NR2E3: variants seen among roughly 807,000 people sequenced by gnomAD.
The protein encoded by NR2E3 is photoreceptor-specific nuclear receptor.
Under a neutral mutation model 37.6 loss-of-function variants are expected in NR2E3, and 38 were observed. That is an observed-to-expected ratio of 1.01 (90% CI 0.78 to 1.33). NR2E3 has a LOEUF of 1.33. Among genes scored for constraint, NR2E3 ranks in the 40% most tolerant of loss-of-function variants. The pLI is 0.00. For missense variants in NR2E3, 562 were observed against 558.7 expected, an observed-to-expected ratio of 1.01 and a Z score of -0.06; for synonymous variants, 235 against 225.1, an observed-to-expected ratio of 1.04 and a Z score of -0.39.
intron 4 of NR2E3, 57 bp from the exon 5 acceptor site, chr15:71,812,255 CCTCCCTCCCCCGGGGCTCCAAGTA>C: frequency 6.2e-7 from 1 of 1,608,812 alleles, no homozygotes; most frequent in Non-Finnish European, 8.5e-7. Context: ...TTGCCTTGAT[CCTCCCTCCCCCGGGGCTCCAAGTA>C]CTCCCTGCCA....
At chr15:71,814,535 T>C (rs1320391546) in intron 7 of NR2E3, 4 of 992,014 alleles carry the variant, frequency 4.0e-6, no homozygotes, top group African/African-American at 1.7e-5. Flanking sequence ...AAGCATGATA[T>C]GTTGTTAGAA....
At chr15:71,814,779 G>C (rs1462476619) in intron 7 of NR2E3, 1 of 985,350 alleles carries the variant, frequency 1.0e-6, no homozygotes, top group African/African-American at 1.7e-5. Flanking sequence ...ACTGGGAAGG[G>C]GATGGCAGCT....
chr15:71,812,166 GC>G lies in NR2E3; in HGVS notation c.563del (p.Pro188GlnfsTer63). 6.3e-7 allele frequency: 1 copy of G among 1,579,838 alleles called. No individual in the cohort carries two copies. Among genetic ancestry groups the G allele is most frequent in the South Asian group, 1.2e-5 (1 of 86,854 alleles). ...CAGCTGAAACCTGTGCTAAGCTGGA[GC>G]CAGAGGATGGTGAGTGGGAGAGCAG... ...ITAETCAKLE[P>X]EDADENIDVT... On this transcript the variant is annotated frameshift_variant, in exon 4 of 8. Coordinates refer to ENST00000617575, the MANE Select transcript of NR2E3 (RefSeq NM_014249.4). LOFTEE classifies it high-confidence loss of function.
rs761943400 is a variant in NR2E3 at position 71,813,153 on chromosome 15, G to A, written c.748-236G>A. ...TGCCCAACTTCCAATGGCTCTGGGC[G>A]TTCCTAAATGTCCCAGCTGCAGCTC... On this transcript the variant is annotated intron_variant, in intron 5 of 7. Coordinates refer to ENST00000617575, the MANE Select transcript of NR2E3 (RefSeq NM_014249.4). The surrounding 1 kb of genome is among the most constrained non-coding windows in gnomAD (Gnocchi z 4.7). Among the ~76,000 whole-genome samples the A allele has an allele frequency of 2.0e-5, 3 of 152,314 alleles. No individual in the cohort carries two copies. The highest frequency in any genetic ancestry group is 2.9e-5 in the Non-Finnish European group (2 of 68,026).
intron 5 of NR2E3, among the ~76,000 whole-genome samples, chr15:71,812,803 A>G (rs1416730214): frequency 2.0e-4 from 31 of 152,148 alleles, no homozygotes; most frequent in Admixed American, 1.9e-3. Context: ...AAGTTCTGGA[A>G]GACCCTCAGG....
rs1371573765 is a variant in NR2E3 at position 71,814,275 on chromosome 15, C to A, written c.1100+158C>A. On this transcript the variant is annotated intron_variant, in intron 7 of 7. Transcript: ENST00000617575. The stretch of plus-strand genomic sequence containing the variant: ...ATGGTGTCCCAGGCACAGTGCCAGG[C>A]CCCGGGAGTGGGGACCAAGATGTAC... 5 of 1,418,066 alleles carry A rather than the reference C, an allele frequency of 3.5e-6. No homozygotes were observed. In the East Asian group the frequency reaches 1.3e-4, roughly 36 times the overall value. 87.8% of individuals were successfully genotyped at this position (1,418,066 alleles called of 1,614,324 possible). A position where few individuals can be genotyped will look rare whatever the true frequency, so the allele number is the denominator to read the frequency against.
rs1047400356 is a variant in NR2E3, at chr15:71,814,360, C to T, written c.1100+243C>T. On this transcript the variant is annotated intron_variant, in intron 7 of 7. Transcript: ENST00000617575. ...GCAGTGACCTCACTGAAGACAAAAACTGCCCTAGCCAGGTACTGAGGGTTG... is the reference window on the plus strand; with the variant it reads ...GCAGTGACCTCACTGAAGACAAAAATTGCCCTAGCCAGGTACTGAGGGTTG... 6.2e-6 allele frequency: 8 copies of T among 1,300,696 alleles called. No homozygotes were observed. In the African/African-American group the frequency reaches 1.2e-4, roughly 19 times the overall value. The allele number at this position is 1,300,696 out of a possible 1,614,324, so 80.6% of individuals were successfully genotyped here.
chr15:71,814,760 G>C (rs1567161235), intron 7 of NR2E3: 2 of 985,566 alleles, frequency 2.0e-6, no homozygotes, highest in Non-Finnish European at 2.4e-6. Context: ...CATGGGTCCA[G>C]AGGATACTAC....
rs1462739784 is a variant in NR2E3, at chr15:71,817,525, A to C, written c.1101-27A>C. 2.6e-6 allele frequency: 4 copies of C among 1,568,580 alleles called. No homozygotes were observed. In the East Asian group the frequency reaches 6.8e-5, roughly 27 times the overall value. On this transcript the variant is annotated intron_variant, in intron 7 of 7. Transcript: ENST00000617575. ...CTAGTGCTCAGAAGCTGGTCGTAAA[A>C]CTGATGGCGTCCTCTCTCCTGTTCA...
chr15:71,810,783 G>A lies in NR2E3; in HGVS notation c.40G>A (p.Ala14Thr). ...AACAGCTCTGATGAGCTCCACAGTG[G>A]CTGCAGCTGCGCCTGCAGCTGGGGC... ...RPTALMSSTV[A>T]AAAPAAGAAS... Residue 14 changes from alanine to threonine, a missense_variant, in exon 1 of 8, where the codon GCT becomes ACT. By Grantham distance (58) the Ala-to-Thr change is moderately conservative. Coordinates refer to ENST00000617575, the MANE Select transcript of NR2E3 (RefSeq NM_014249.4). 1.5e-5 allele frequency: 23 copies of A among 1,576,462 alleles called. No individual in the cohort carries two copies. Among genetic ancestry groups the A allele is most frequent in the Non-Finnish European group, 2.0e-5 (23 of 1,161,910 alleles).
At position 71,812,443 on chromosome 15, in the gene NR2E3, C is replaced by G; in HGVS notation, c.679C>G (p.Leu227Val). The G allele has an allele frequency of 6.2e-7, 1 of 1,613,952 alleles. No individual in the cohort carries two copies. Among genetic ancestry groups the G allele is most frequent in the Non-Finnish European group, 8.5e-7 (1 of 1,179,848 alleles). Residue 227 changes from leucine (L) to valine (V), a missense_variant, in exon 5 of 8, where the codon CTA becomes GTA. By Grantham distance (32) the Leu-to-Val change is conservative (BLOSUM62 1). Coordinates refer to ENST00000617575, the MANE Select transcript of NR2E3 (RefSeq NM_014249.4). ...CAGCATCCATGAGACCTCGGCTCGC[C>G]TACTCTTCATGGCCGTCAAGTGGGC... ...LDSIHETSAR[L>V]LFMAVKWAKN...
chr15:71,812,129 C>G lies in NR2E3; in HGVS notation c.524C>G (p.Ala175Gly), dbSNP rs567617489. The change falls in exon 4 of 8, where the codon GCC (alanine) becomes GGC (glycine). Residue 175 changes from alanine (A) to glycine (G), a missense_variant. Ala to Gly is a moderately conservative substitution (Grantham distance 60). Transcript: ENST00000617575. ...AGAGCCCTGGGCCACCACTTCATGG[C>G]CAGCCTTATAACAGCTGAAACCTGT... ...AARALGHHFM[A>G]SLITAETCAK... 3.7e-5 allele frequency: 58 copies of G among 1,561,562 alleles called. No individual in the cohort carries two copies. In the Admixed American group the frequency reaches 9.1e-4, roughly 24 times the overall value.
chr15:71,810,788 A>G lies in NR2E3; in HGVS notation c.45A>G (p.Ala15=), dbSNP rs752130237. 89 of 1,576,626 alleles carry G rather than the reference A, an allele frequency of 5.6e-5. No individual in the cohort carries two copies. The highest frequency in any genetic ancestry group is 7.2e-5 in the Non-Finnish European group (84 of 1,162,052). The part of the protein sequence containing the change: ...PTALMSSTVA[A]AAPAAGAASR... ...CTCTGATGAGCTCCACAGTGGCTGC[A>G]GCTGCGCCTGCAGCTGGGGCTGCCT... Residue 15 remains alanine, a synonymous_variant, in exon 1 of 8, where the codon GCA becomes GCG. Transcript: ENST00000617575.
intron 7 of NR2E3, among the ~76,000 whole-genome samples, chr15:71,817,098 T>C (rs1434271289): frequency 1.5e-5 from 2 of 136,098 alleles, no homozygotes; most frequent in East Asian, 2.5e-4. Context: ...GCTTTTCTTT[T>C]TTCTTTTTTT....
In NR2E3 at chr15:71,812,432, C is replaced by G; in HGVS notation, c.668C>G (p.Thr223Ser). ...SPCGLDSIHE[T>S]SARLLFMAVK... ...TGCGGCCTGGACAGCATCCATGAGA[C>G]CTCGGCTCGCCTACTCTTCATGGCC... The change falls in exon 5 of 8, where the codon ACC becomes AGC. Residue 223 changes from threonine (T) to serine (S), a missense_variant. Thr to Ser is a moderately conservative substitution (Grantham distance 58, BLOSUM62 1). Transcript: ENST00000617575. The G allele has an allele frequency of 1.2e-6, 2 of 1,613,996 alleles. No individual in the cohort carries two copies. The highest frequency in any genetic ancestry group is 1.7e-6 in the Non-Finnish European group (2 of 1,179,882).
At position 71,812,569 on chromosome 15, in the gene NR2E3, C is replaced by A. The variant is rs1322934559; in HGVS notation, c.747+58C>A. On this transcript the variant is annotated intron_variant, in intron 5 of 7. Coordinates refer to ENST00000617575, the MANE Select transcript of NR2E3 (RefSeq NM_014249.4). ...CTGGGCTGGGGTCAGGCGGCCCACT[C>A]GAGTCAACCAGACAGGGCACACACA... 7.5e-6 allele frequency: 11 copies of A among 1,474,306 alleles called. No homozygotes were observed. The South Asian group carries it at 1.2e-4, about 16-fold the overall frequency. 91.3% of individuals were successfully genotyped at this position (1,474,306 alleles called of 1,614,324 possible).
Position 71,813,335 on chromosome 15 carries a change from C to T in NR2E3, c.748-54C>T. The T allele has an allele frequency of 1.3e-6, 2 of 1,585,180 alleles. No homozygotes were observed. The highest frequency in any genetic ancestry group is 1.7e-6 in the Non-Finnish European group (2 of 1,166,822). On this transcript the variant is annotated intron_variant, in intron 5 of 7. Coordinates refer to ENST00000617575, the MANE Select transcript of NR2E3 (RefSeq NM_014249.4). This position sits in a 1 kb window ranked among gnomAD's most constrained non-coding sequence, Gnocchi z 4.7. ...CTGAGATGGTGGCAGAGGCTCCAGA[C>T]TGAGCCAGAGAAGCTGTGTGTCTGC...
Position 71,812,079 on chromosome 15 carries a change from G to A in NR2E3, c.474G>A (p.Arg158=). ...APPAPAGRSP[R]GPTPMSAARA... ...CGGCCCCGGCAGGGCGCAGCCCACG[G>A]GGCCCCACACCCATGTCTGCAGCCA... The change falls in exon 4 of 8, where the codon CGG becomes CGA. Residue 158 remains arginine, a synonymous_variant. Coordinates refer to ENST00000617575, the MANE Select transcript of NR2E3 (RefSeq NM_014249.4). 6.4e-7 allele frequency: 1 copy of A among 1,553,576 alleles called. No homozygotes were observed. Among genetic ancestry groups the A allele is most frequent in the Non-Finnish European group, 8.7e-7 (1 of 1,148,826 alleles).
At chr15:71,814,592 G>A in intron 7 of NR2E3, 4 of 940,434 alleles carry the variant, frequency 4.3e-6, no homozygotes, top group Non-Finnish European at 5.1e-6. Context: ...AGTGAGAAAT[G>A]GGGAGAATAA....
Sources: gnomAD v4.1 joint callset for allele counts (sites outside exome capture counted in the v4.1 genomes callset) on GRCh38, gnomAD v4.1.1 for gene constraint, Gnocchi (gnomAD v3.1) non-coding constraint, MANE v1.5 for transcripts, NCBI Gene and HGNC (gene_info 2026-07-23, HGNC 2026-07-21) for gene names.